The following ARHGAP44 variants were observed in gnomAD, a reference collection of about 807,000 sequenced individuals.
ARHGAP44 encodes Rho GTPase activating protein 44, also known as rho GTPase-activating protein 44.
ARHGAP44 carries 43 observed loss-of-function variants against 106.8 expected under a neutral mutation model. The observed-to-expected ratio is 0.40, with a 90% CI of 0.32 to 0.52. The LOEUF (loss-of-function observed/expected upper bound fraction) is 0.52, where lower values mean the gene tolerates loss of function less well. ARHGAP44 is among the 20% of genes least tolerant of loss of function. ARHGAP44 has a pLI of 0.48. For synonymous variants in ARHGAP44, 439 were observed against 410.3 expected (o/e 1.07, Z -0.85); for missense variants, 866 against 1,050.5 (o/e 0.82, Z 2.43).
chr17:12,812,653 C>G, intron 1 of ARHGAP44, among the ~76,000 whole-genome samples: 1 of 152,088 alleles, frequency 6.6e-6, no homozygotes, highest in African/African-American at 2.4e-5. Context: ...GAAATAATTT[C>G]TGTATGGTGG....
At chr17:12,945,673 G>A (rs894525297) in intron 10 of ARHGAP44, among the ~76,000 whole-genome samples, 2 of 152,202 alleles carry the variant, frequency 1.3e-5, no homozygotes, top group African/African-American at 4.8e-5. Flanking sequence ...CATGCTTCCT[G>A]TAGGCCAGCC....
chr17:12,794,707 A>G (rs1324191911), intron 1 of ARHGAP44, among the ~76,000 whole-genome samples: 2 of 152,116 alleles, frequency 1.3e-5, no homozygotes, highest in Non-Finnish European at 2.9e-5. Context: ...ACTGCTTTGC[A>G]TACATTGCAA....
At chr17:12,814,235 GTTTTTTTTTTTTT>G (rs773171329) in intron 1 of ARHGAP44, among the ~76,000 whole-genome samples, 187 of 87,286 alleles carry the variant, frequency 2.1e-3, no homozygotes, top group African/African-American at 8.4e-3. Context: ...CCAAACTGGT[GTTTTTTTTTTTTT>G]TTTTTTTTTT....
At chr17:12,970,018 C>A (rs2039486171) in intron 16 of ARHGAP44, among the ~76,000 whole-genome samples, 1 of 152,102 alleles carries the variant, frequency 6.6e-6, no homozygotes, top group Admixed American at 6.5e-5. Context: ...ATATAAGATG[C>A]TGGCAGGCAG....
At chr17:12,940,999 T>G in intron 7 of ARHGAP44, 57 bp from the exon 8 acceptor site, 1 of 1,487,004 alleles carries the variant, frequency 6.7e-7, no homozygotes, top group Non-Finnish European at 9.4e-7. Context: ...GACTTATGCA[T>G]TAGCCACTCT....
rs1400004318 is a variant in ARHGAP44 at position 12,949,279 on chromosome 17, C to T, written c.973+28C>T. On this transcript the variant is annotated intron_variant, in intron 11 of 20. Transcript: ENST00000379672. The surrounding 1 kb of genome is among the most constrained non-coding windows in gnomAD (Gnocchi z 4.1). The stretch of plus-strand genomic sequence containing the variant: ...GGGCACCTCTCAGCGCTCCTGTGTG[C>T]CATGGAGGCTCACAGGGAAGGGGTA... The T allele has an allele frequency of 1.9e-6, 3 of 1,544,244 alleles. No individual in the cohort carries two copies. The highest frequency in any genetic ancestry group is 1.4e-5 in the African/African-American group (1 of 73,006).
Position 12,836,798 on chromosome 17 carries a change from G to C in ARHGAP44, c.53+46907G>C, listed in dbSNP as rs144212410. ...GAAGAAAAAAGTGATAGAACTGAAGGATCAGGCAGAAAAATCCATAGTTAT... is the reference window on the plus strand; with the variant it reads ...GAAGAAAAAAGTGATAGAACTGAAGCATCAGGCAGAAAAATCCATAGTTAT... On this transcript the variant is annotated intron_variant, in intron 1 of 20. Transcript: ENST00000379672. Among the ~76,000 whole-genome samples, 10 of 152,290 alleles carry C rather than the reference G, an allele frequency of 6.6e-5. No homozygotes were observed. In the East Asian group the frequency reaches 1.9e-3, roughly 29 times the overall value.
chr17:12,847,073 C>T (rs1162950220), intron 1 of ARHGAP44, among the ~76,000 whole-genome samples: 5 of 152,260 alleles, frequency 3.3e-5, no homozygotes, highest in East Asian at 1.9e-4. Flanking sequence ...TTTTACCTGT[C>T]ATTAACTCAG....
chr17:12,871,543 G>A (rs1357911003), intron 1 of ARHGAP44, among the ~76,000 whole-genome samples: 1 of 152,028 alleles, frequency 6.6e-6, no homozygotes, highest in East Asian at 1.9e-4. Context: ...AAAGAGGGAG[G>A]TGCTACACAT....
intron 7 of ARHGAP44, among the ~76,000 whole-genome samples, chr17:12,938,449 TA>T (rs1366681316): frequency 1.3e-5 from 2 of 151,416 alleles, no homozygotes; most frequent in African/African-American, 2.4e-5. Flanking sequence ...TATAGATCAG[TA>T]AAAAAAAGAC....
chr17:12,879,162 T>C (rs2036642019), intron 1 of ARHGAP44, among the ~76,000 whole-genome samples: 1 of 152,174 alleles, frequency 6.6e-6, no homozygotes, highest in South Asian at 2.1e-4. Context: ...GTCCCCAAAG[T>C]CCTTCTTATG....
Position 12,908,191 on chromosome 17 carries a change from CTTTTT to C in ARHGAP44, c.199-689_199-685del, listed in dbSNP as rs1228178926. 7.7e-4 allele frequency among the ~76,000 whole-genome samples: 74 copies of C among 95,572 alleles called. 1 individual carries two copies. The highest frequency in any genetic ancestry group is 6.3e-3 in the Middle Eastern group (1 of 158). The allele number at this position is 95,572 out of a possible 152,430, so 62.7% of individuals were successfully genotyped here. On this transcript the variant is annotated intron_variant, in intron 3 of 20. Transcript: ENST00000379672. Reference sequence around the variant, plus strand: ...TTTTTTGACCATAGCTGCCTCATTTCTTTTTTTTTTTTTTTTTTTTTGGAGATGGA... The same window carrying C: ...TTTTTTGACCATAGCTGCCTCATTTCTTTTTTTTTTTTTTTTGGAGATGGA...
At chr17:12,895,026 G>GA in intron 2 of ARHGAP44, 47 bp downstream of exon 2, 1 of 1,546,990 alleles carries the variant, frequency 6.5e-7, no homozygotes, top group Non-Finnish European at 8.8e-7. Context: ...AGATATATGG[G>GA]AGGCTGAGGC....
At chr17:12,951,394 A>G (rs1422316480) in intron 12 of ARHGAP44, among the ~76,000 whole-genome samples, 1 of 152,188 alleles carries the variant, frequency 6.6e-6, no homozygotes, top group Non-Finnish European at 1.5e-5. Context: ...CAGGGCCTTT[A>G]CACTTAACCA....
At chr17:12,917,195 G>T (rs949410303) in intron 5 of ARHGAP44, 2 of 154,370 alleles carry the variant, frequency 1.3e-5, no homozygotes, top group Non-Finnish European at 1.5e-5. Context: ...TATGAGAGGG[G>T]TTTCTCCCCT....
At chr17:12,970,384 A>AAAAAG (rs1567715970) in intron 16 of ARHGAP44, among the ~76,000 whole-genome samples, 2 of 96,320 alleles carry the variant, frequency 2.1e-5, no homozygotes, top group African/African-American at 3.6e-5. Flanking sequence ...AAAAAAAAAA[A>AAAAAG]AAAAGAAAAA....
At chr17:12,877,518 C>A (rs1027609007) in intron 1 of ARHGAP44, among the ~76,000 whole-genome samples, 7 of 152,130 alleles carry the variant, frequency 4.6e-5, no homozygotes, top group African/African-American at 1.4e-4. Context: ...AATTTGCTAA[C>A]ATGTTCAAAG....
At chr17:12,900,913 CT>C (rs3074723) in intron 3 of ARHGAP44, among the ~76,000 whole-genome samples, 24,188 of 103,372 alleles carry the variant, frequency 0.23, 2,861 homozygotes, top group Non-Finnish European at 0.3. Context: ...GAAAGTTTGG[CT>C]TTTTTTTTTT....
chr17:12,805,566 CTTT>C (rs2034249012), intron 1 of ARHGAP44, among the ~76,000 whole-genome samples: 1 of 152,054 alleles, frequency 6.6e-6, no homozygotes, highest in Non-Finnish European at 1.5e-5. Flanking sequence ...AGTGTATTGT[CTTT>C]ATCTCCAAAG....
Sources: allele counts gnomAD v4.1 joint callset (sites outside exome capture counted in the v4.1 genomes callset), GRCh38; gene constraint gnomAD v4.1.1; non-coding constraint Gnocchi (gnomAD v3.1); transcripts MANE v1.5; gene names NCBI Gene and HGNC (gene_info 2026-07-23, HGNC 2026-07-21).